The following KCNK9 variants were observed in gnomAD, a reference collection of about 807,000 sequenced individuals.
KCNK9 encodes potassium two pore domain channel subfamily K member 9, also known as potassium channel subfamily K member 9.
A neutral mutation model predicts 10.8 loss-of-function variants in KCNK9; 1 was observed. That is an observed-to-expected ratio of 0.09 (90% confidence interval 0.03 to 0.44). The LOEUF (loss-of-function observed/expected upper bound fraction) is 0.44. Among genes scored for constraint, KCNK9 ranks in the 20% least tolerant of loss-of-function variants. The pLI is 0.97. For missense variants in KCNK9, 303 were observed against 515.0 expected, an observed-to-expected ratio of 0.59 and a Z score of 3.98; for synonymous variants, 231 against 222.7, an observed-to-expected ratio of 1.04 and a Z score of -0.33.
In KCNK9 at chr8:139,670,554, G is replaced by A. The variant is rs371093173; in HGVS notation, c.283+32156C>T. On this transcript the variant is annotated intron_variant, in intron 1 of 1. Transcript: ENST00000520439. ...TTAAAGTATACAGAAGGATGTACCT[G>A]GGTTATGTGCAAATACCGCACCATT... 2.6e-5 allele frequency among the ~76,000 whole-genome samples: 4 copies of A among 152,330 alleles called. No individual in the cohort carries two copies. The East Asian group carries it at 7.7e-4, about 29-fold the overall frequency.
chr8:139,699,520 A>C (rs1817146820), intron 1 of KCNK9, among the ~76,000 whole-genome samples: 1 of 152,256 alleles, frequency 6.6e-6, no homozygotes, highest in Non-Finnish European at 1.5e-5. Flanking sequence ...TCACAAGTTT[A>C]GAACTAAACA....
chr8:139,665,367 C>T (rs573696983), intron 1 of KCNK9, among the ~76,000 whole-genome samples: 1 of 152,314 alleles, frequency 6.6e-6, no homozygotes, highest in African/African-American at 2.4e-5. Context: ...ACTCTCCTGA[C>T]TCTACCCTCC....
chr8:139,659,746 C>T (rs527912645), intron 1 of KCNK9, among the ~76,000 whole-genome samples: 9 of 147,234 alleles, frequency 6.1e-5, no homozygotes, highest in Non-Finnish European at 1.3e-4. Flanking sequence ...AGGATGGTCT[C>T]GATCTGACTT....
At chr8:139,700,508 A>G (rs200606659) in intron 1 of KCNK9, among the ~76,000 whole-genome samples, 13,654 of 118,230 alleles carry the variant, frequency 0.12, 681 homozygotes, top group African/African-American at 0.23. Context: ...ACACACACAC[A>G]CGCGCGCGCG....
At chr8:139,632,135 T>C (rs922651081) in intron 1 of KCNK9, among the ~76,000 whole-genome samples, 1 of 152,188 alleles carries the variant, frequency 6.6e-6, no homozygotes, top group African/African-American at 2.4e-5. Context: ...TGGGATCACC[T>C]GGGATTTGCC....
At position 139,620,635 on chromosome 8, in the gene KCNK9, C is replaced by T. The variant is rs561690682; in HGVS notation, c.284-1536G>A. ...GTGAATATGTGCCATAACCTACCTA[C>T]CCCCATGGGCCAAACTCTCACTTGA... On this transcript the variant is annotated intron_variant, in intron 1 of 1. Coordinates refer to ENST00000520439, the MANE Select transcript of KCNK9 (RefSeq NM_001282534.2). 7.6e-4 allele frequency among the ~76,000 whole-genome samples: 116 copies of T among 152,246 alleles called. 1 individual carries two copies. The highest frequency in any genetic ancestry group is 2.8e-4 in the Non-Finnish European group (19 of 68,020).
chr8:139,656,861 C>T (rs962490359), intron 1 of KCNK9, among the ~76,000 whole-genome samples: 2 of 152,204 alleles, frequency 1.3e-5, no homozygotes, highest in Non-Finnish European at 2.9e-5. Flanking sequence ...CAACCAGAAC[C>T]ATCTTCTCCA....
chr8:139,614,715 T>A (rs1444342170), downstream of KCNK9, among the ~76,000 whole-genome samples: 1 of 152,152 alleles, frequency 6.6e-6, no homozygotes, highest in East Asian at 1.9e-4. Context: ...CCAGGATGGG[T>A]GCAATGAGGA....
intron 1 of KCNK9, among the ~76,000 whole-genome samples, chr8:139,648,294 C>T (rs961633328): frequency 3.3e-5 from 5 of 152,080 alleles, no homozygotes; most frequent in Non-Finnish European, 5.9e-5. Flanking sequence ...CTACTGGGGA[C>T]GGGGTATTAC....
intron 1 of KCNK9, among the ~76,000 whole-genome samples, chr8:139,635,619 G>A (rs1815314160): frequency 6.6e-6 from 1 of 152,152 alleles, no homozygotes; most frequent in South Asian, 2.1e-4. Flanking sequence ...TTATCTCCTG[G>A]ACTCCCAGCC....
intron 1 of KCNK9, among the ~76,000 whole-genome samples, chr8:139,679,297 C>T (rs1195693395): frequency 3.3e-5 from 5 of 152,246 alleles, no homozygotes; most frequent in Admixed American, 6.5e-5. Flanking sequence ...CTCTCCCCTC[C>T]TCTTGCCGAG....
chr8:139,664,214 C>T (rs984589868), intron 1 of KCNK9, among the ~76,000 whole-genome samples: 1 of 152,218 alleles, frequency 6.6e-6, no homozygotes, highest in South Asian at 2.1e-4. Context: ...TCAGGTCCTT[C>T]GTCTCCTCAC....
At chr8:139,670,220 G>T (rs542425841) in intron 1 of KCNK9, among the ~76,000 whole-genome samples, 4 of 152,214 alleles carry the variant, frequency 2.6e-5, no homozygotes, top group African/African-American at 9.6e-5. Context: ...TGTGGTTCCT[G>T]GTGCCCCCAG....
chr8:139,643,851 G>T (rs533052651), intron 1 of KCNK9, among the ~76,000 whole-genome samples: 1 of 152,296 alleles, frequency 6.6e-6, no homozygotes, highest in South Asian at 2.1e-4. Context: ...CGCAGGTTCA[G>T]CTGAGCCACA....
intron 1 of KCNK9, among the ~76,000 whole-genome samples, chr8:139,626,682 T>A (rs1239387171): frequency 6.6e-6 from 1 of 152,228 alleles, no homozygotes; most frequent in Non-Finnish European, 1.5e-5. Flanking sequence ...CACAGTTCCC[T>A]GGGACAGGCT....
chr8:139,605,255 T>A (rs1292148498), intron 2 of KCNK9, among the ~76,000 whole-genome samples: 1 of 152,260 alleles, frequency 6.6e-6, no homozygotes, highest in Admixed American at 6.5e-5. Context: ...GCAAATCCGG[T>A]CTCGGTTCAG....
chr8:139,625,092 C>A (rs745703745), intron 1 of KCNK9, among the ~76,000 whole-genome samples: 1 of 152,200 alleles, frequency 6.6e-6, no homozygotes, highest in Non-Finnish European at 1.5e-5. Flanking sequence ...GGTCCCCTCA[C>A]CGAGAGCTGG....
chr8:139,682,308 C>T (rs528703256), intron 1 of KCNK9, among the ~76,000 whole-genome samples: 4 of 152,216 alleles, frequency 2.6e-5, no homozygotes, highest in South Asian at 2.1e-4. Flanking sequence ...CAGACACAGG[C>T]GGGTGGGGGC....
chr8:139,668,909 C>T (rs1011991370), intron 1 of KCNK9, among the ~76,000 whole-genome samples: 7 of 152,212 alleles, frequency 4.6e-5, no homozygotes, highest in East Asian at 1.9e-4. Flanking sequence ...TTCCAGCTCA[C>T]ATCTATTCTC....
Sources: gnomAD v4.1 joint callset for allele counts (sites outside exome capture counted in the v4.1 genomes callset) on GRCh38, gnomAD v4.1.1 for gene constraint, MANE v1.5 for transcripts, NCBI Gene and HGNC (gene_info 2026-07-23, HGNC 2026-07-21) for gene names.